The following TCF7L1 variants were observed in gnomAD, a reference collection of about 807,000 sequenced individuals.
The protein encoded by TCF7L1 is transcription factor 7 like 1, also known as transcription factor 7-like 1.
Under a neutral mutation model 63.7 loss-of-function variants are expected in TCF7L1, and 18 were observed. The ratio of observed to expected loss-of-function variants is 0.28; its 90% CI spans 0.20 to 0.42. The LOEUF is 0.42. Ranked by LOEUF, TCF7L1 falls within the 10% of genes least tolerant of loss-of-function variation. TCF7L1 has a pLI of 1.00. For missense variants in TCF7L1, 654 were observed against 779.3 expected (o/e 0.84, Z 1.91); for synonymous variants, 355 against 340.9 (o/e 1.04, Z -0.46).
At chr2:85,286,787 G>A (rs1354071896) in intron 4 of TCF7L1, among the ~76,000 whole-genome samples, 2 of 152,054 alleles carry the variant, frequency 1.3e-5, no homozygotes, top group Non-Finnish European at 2.9e-5. Flanking sequence ...GAGCCACTGC[G>A]CCTGGCCAAA....
At chr2:85,298,592 C>T (rs893588439) in intron 4 of TCF7L1, among the ~76,000 whole-genome samples, 9 of 151,410 alleles carry the variant, frequency 5.9e-5, no homozygotes, top group Non-Finnish European at 8.8e-5. Flanking sequence ...CTGAAATAGA[C>T]GGGAAACACC....
At position 85,204,304 on chromosome 2, in the gene TCF7L1, C is replaced by G. The variant is rs976593538; in HGVS notation, c.441+69854C>G. Reference sequence around the variant, plus strand: ...TGATAACTTGCTTCCCCCCCCCCCCCCACTTAATAGGGTATCTCAGAGACC... The same window carrying G: ...TGATAACTTGCTTCCCCCCCCCCCCGCACTTAATAGGGTATCTCAGAGACC... On this transcript the variant is annotated intron_variant, in intron 3 of 11. Transcript: ENST00000282111. Among the ~76,000 whole-genome samples the G allele has an allele frequency of 3.5e-5, 4 of 114,046 alleles. 1 individual carries two copies. Among genetic ancestry groups the G allele is most frequent in the Non-Finnish European group, 5.8e-5 (3 of 51,710 alleles). The allele number at this position is 114,046 out of a possible 152,430, so 74.8% of individuals were successfully genotyped here. A position where few individuals can be genotyped will look rare whatever the true frequency, so the allele number is the denominator to read the frequency against.
At position 85,304,090 on chromosome 2, in the gene TCF7L1, A is replaced by G. The variant is rs1054825906; in HGVS notation, c.761+93A>G. ...GCGCCCTGCACAGTGGAGCCCCCTC[A>G]GAGGCAAGCCCAGGACTAGGCCTCC... On this transcript the variant is annotated intron_variant, in intron 6 of 11. Transcript: ENST00000282111. 22 of 1,217,426 alleles carry G rather than the reference A, an allele frequency of 1.8e-5. No individual in the cohort carries two copies. In the Admixed American group the frequency reaches 4.0e-4, roughly 22 times the overall value. 75.4% of individuals were successfully genotyped at this position (1,217,426 alleles called of 1,614,324 possible).
chr2:85,191,587 G>A (rs1318289350), intron 3 of TCF7L1, among the ~76,000 whole-genome samples: 1 of 152,168 alleles, frequency 6.6e-6, no homozygotes, highest in African/African-American at 2.4e-5. Context: ...AGCACTTTCG[G>A]AGGCTGAGGA....
intron 4 of TCF7L1, among the ~76,000 whole-genome samples, chr2:85,288,856 C>T (rs1681621456): frequency 6.6e-6 from 1 of 152,202 alleles, no homozygotes; most frequent in African/African-American, 2.4e-5. Context: ...TGTCTTCCCT[C>T]CAGTGTCCCC....
intron 3 of TCF7L1, among the ~76,000 whole-genome samples, chr2:85,222,585 G>C (rs1173847556): frequency 2.0e-5 from 3 of 146,596 alleles, no homozygotes; most frequent in Non-Finnish European, 4.4e-5. Flanking sequence ...TGTGAGGATT[G>C]CTTGAGCCAG....
Position 85,302,527 on chromosome 2 carries a change from C to T in TCF7L1, c.569C>T (p.Pro190Leu), listed in dbSNP as rs200244367. The change falls in exon 5 of 12, where the codon CCG becomes CTG. Residue 190 changes from proline to leucine, a missense_variant. This residue lies in a region of TCF7L1 where 404 missense variants were observed against 454.8 expected (regional missense o/e 0.89). Transcript: ENST00000282111. The part of the protein sequence containing the change: ...PVVQHPHHMH[P>L]LTPLITYSND... ...GTTCAGCACCCGCATCACATGCATCCGCTGACTCCCCTCATCACCTACAGC... is the reference window on the plus strand; with the variant it reads ...GTTCAGCACCCGCATCACATGCATCTGCTGACTCCCCTCATCACCTACAGC... 277 of 1,614,066 alleles carry T rather than the reference C, an allele frequency of 1.7e-4. No homozygotes were observed. Among genetic ancestry groups the T allele is most frequent in the Non-Finnish European group, 2.2e-4 (258 of 1,180,034 alleles).
chr2:85,308,979 T>C (rs763978325), intron 11 of TCF7L1, 50 bp from the exon 12 acceptor site: 1 of 1,525,240 alleles, frequency 6.6e-7, no homozygotes. Flanking sequence ...CTCAGCCTCC[T>C]CCTCTCACAG....
intron 3 of TCF7L1, among the ~76,000 whole-genome samples, chr2:85,187,845 T>A (rs2104260255): frequency 6.6e-6 from 1 of 152,350 alleles, no homozygotes; most frequent in African/African-American, 2.4e-5. Flanking sequence ...TGAATGTTCA[T>A]AACACCTTCA....
rs561762764 is a variant in TCF7L1 at position 85,143,593 on chromosome 2, C to T, written c.441+9143C>T. Among the ~76,000 whole-genome samples the T allele has an allele frequency of 2.5e-3, 384 of 152,292 alleles. 3 individuals carry two copies. The highest frequency in any genetic ancestry group is 6.5e-3 in the African/African-American group (269 of 41,570). ...ACAGACTTGTAGAGGTCAAGTATCT[C>T]GTACAAGGTTACATTGATGGTGATT... is the stretch of plus-strand genomic sequence containing the variant. On this transcript the variant is annotated intron_variant, in intron 3 of 11. Transcript: ENST00000282111.
chr2:85,294,316 G>A (rs142249723), intron 4 of TCF7L1, among the ~76,000 whole-genome samples: 5 of 151,980 alleles, frequency 3.3e-5, no homozygotes, highest in East Asian at 1.9e-4. Context: ...GATTACAGGC[G>A]TGAGCCACCA....
intron 3 of TCF7L1, among the ~76,000 whole-genome samples, chr2:85,193,500 C>CTTTT (rs1379015061): frequency 1.3e-5 from 2 of 152,028 alleles, no homozygotes; most frequent in African/African-American, 4.8e-5. Flanking sequence ...GCCTAGGCAA[C>CTTTT]AAAGCGAGAC....
At chr2:85,152,219 TAGA>T (rs1292411852) in intron 3 of TCF7L1, among the ~76,000 whole-genome samples, 5 of 152,192 alleles carry the variant, frequency 3.3e-5, no homozygotes, top group Non-Finnish European at 5.9e-5. Flanking sequence ...TGGCCATTTC[TAGA>T]AGAAGCTCTG....
At chr2:85,179,519 C>A (rs1678751648) in intron 3 of TCF7L1, among the ~76,000 whole-genome samples, 1 of 152,194 alleles carries the variant, frequency 6.6e-6, no homozygotes, top group African/African-American at 2.4e-5. Context: ...TTGTTCTCAT[C>A]TTCCCCCTCC....
chr2:85,149,303 A>C (rs866534225), intron 3 of TCF7L1, among the ~76,000 whole-genome samples: 2 of 135,828 alleles, frequency 1.5e-5, no homozygotes, highest in African/African-American at 5.6e-5. Flanking sequence ...GTATATGTGT[A>C]TATATGTATA....
In TCF7L1 at chr2:85,282,176, C is replaced by A. The variant is rs767058880; in HGVS notation, c.442-1319C>A. Among the ~76,000 whole-genome samples the A allele has an allele frequency of 2.0e-5, 3 of 152,174 alleles. No homozygotes were observed. The South Asian group carries it at 6.2e-4, about 32-fold the overall frequency. ...CTATTTTTTGTTTTTTTAGTAGAGACGAAGTTTCACCATGTTGGCCAGGCT... is the reference window on the plus strand; with the variant it reads ...CTATTTTTTGTTTTTTTAGTAGAGAAGAAGTTTCACCATGTTGGCCAGGCT... On this transcript the variant is annotated intron_variant, in intron 3 of 11. Transcript: ENST00000282111.
chr2:85,222,992 G>A (rs1443546247), intron 3 of TCF7L1, among the ~76,000 whole-genome samples: 4 of 152,086 alleles, frequency 2.6e-5, no homozygotes, highest in African/African-American at 7.2e-5. Context: ...GAATGGAGAC[G>A]GGCCATGAGC....
At chr2:85,213,113 G>A (rs1342116726) in intron 3 of TCF7L1, among the ~76,000 whole-genome samples, 1 of 140,654 alleles carries the variant, frequency 7.1e-6, no homozygotes, top group Non-Finnish European at 1.6e-5. Flanking sequence ...GGAGCACAAA[G>A]ATGGGCAGGA....
rs6720812 is a variant in TCF7L1, at chr2:85,154,147, C to T, written c.441+19697C>T. ...CTGGTTTGTGCTATGGACTTTCCTTCATCTGTGTTACTGGGAGTATGTGAG... is the reference window on the plus strand; with the variant it reads ...CTGGTTTGTGCTATGGACTTTCCTTTATCTGTGTTACTGGGAGTATGTGAG... On this transcript the variant is annotated intron_variant, in intron 3 of 11. Transcript: ENST00000282111. 3.9e-3 allele frequency among the ~76,000 whole-genome samples: 590 copies of T among 152,280 alleles called. 2 individuals carry two copies. Among genetic ancestry groups the T allele is most frequent in the African/African-American group, 0.013 (550 of 41,556 alleles).
Sources: gnomAD v4.1 joint callset for allele counts (sites outside exome capture counted in the v4.1 genomes callset) on GRCh38, gnomAD v4.1.1 for gene constraint, gnomAD v4.1.1 regional missense constraint, MANE v1.5 for transcripts, NCBI Gene and HGNC (gene_info 2026-07-23, HGNC 2026-07-21) for gene names.